Variants in INTS6 observed in about 807,000 individuals in gnomAD.
The protein encoded by INTS6 is DEAD box protein.
In INTS6, 16 loss-of-function variants were observed where a neutral mutation model predicts 104.9. The ratio of observed to expected loss-of-function variants is 0.15; its 90% CI spans 0.10 to 0.23. The LOEUF is 0.23. Ranked by LOEUF, INTS6 falls within the 10% of genes least tolerant of loss-of-function variation. INTS6 has a pLI of 1.00. For synonymous variants in INTS6, 324 were observed against 358.7 expected (o/e 0.90, Z 1.09); for missense variants, 584 against 1,062.8 (o/e 0.55, Z 6.26).
chr13:51,401,483 T>G (rs1956438907), intron 4 of INTS6, among the ~76,000 whole-genome samples: 1 of 152,160 alleles, frequency 6.6e-6, no homozygotes, highest in Non-Finnish European at 1.5e-5. Context: ...GGATAAGAGT[T>G]TCATAAGAGC....
Position 51,378,221 on chromosome 13 carries a change from TA to T in INTS6, c.1602+17del. On this transcript the variant is annotated intron_variant, in intron 12 of 17. Coordinates refer to ENST00000311234, the MANE Select transcript of INTS6 (RefSeq NM_012141.3). ...TAACAGAACATAACTAGAGTAGCAC[TA>T]AATTCATGATTATTACCTTATTCAG... The T allele has an allele frequency of 6.4e-7, 1 of 1,563,172 alleles. No homozygotes were observed. The highest frequency in any genetic ancestry group is 8.8e-7 in the Non-Finnish European group (1 of 1,134,308).
At chr13:51,414,511 C>G (rs546285627) in intron 4 of INTS6, among the ~76,000 whole-genome samples, 48 of 152,238 alleles carry the variant, frequency 3.2e-4, no homozygotes, top group Middle Eastern at 6.8e-3. Flanking sequence ...CAAACTAATG[C>G]TAAATCTTTC....
At chr13:51,380,517 T>C (rs548081163) in intron 10 of INTS6, among the ~76,000 whole-genome samples, 4 of 152,272 alleles carry the variant, frequency 2.6e-5, no homozygotes, top group East Asian at 1.9e-4. Context: ...CTGTTCGAAG[T>C]GTTTGTTCTT....
chr13:51,375,771 G>A (rs759742554), intron 13 of INTS6, among the ~76,000 whole-genome samples: 17 of 152,064 alleles, frequency 1.1e-4, no homozygotes, highest in African/African-American at 2.4e-4. Context: ...GTGTGTGCGC[G>A]CGCGTGCGCG....
Position 51,354,710 on chromosome 13 carries a change from C to A in INTS6, n.431-374G>T, listed in dbSNP as rs541117422. 3.0e-4 allele frequency among the ~76,000 whole-genome samples: 46 copies of A among 151,994 alleles called. 1 individual carries two copies. Among genetic ancestry groups the A allele is most frequent in the African/African-American group, 1.1e-3 (45 of 41,434 alleles). ...TGTTCTATATATCGTAAGAGCAGAA[C>A]AAGGTATTAATGGGGCTTTAAGAAC... On this transcript the variant is annotated intron_variant and non_coding_transcript_variant, in intron 3 of 3. Coordinates refer to the INTS6 transcript ENST00000476666.
At chr13:51,404,767 GCC>G (rs1956527967) in intron 4 of INTS6, among the ~76,000 whole-genome samples, 1 of 151,866 alleles carries the variant, frequency 6.6e-6, no homozygotes, top group Non-Finnish European at 1.5e-5. Flanking sequence ...TACTGCAGTG[GCC>G]TAGTACCAAT....
In INTS6 at chr13:51,452,822, G is replaced by A. The variant is rs1211988934; in HGVS notation, c.-297C>T. On this transcript the variant is annotated 5_prime_UTR_variant, in exon 1 of 18. Transcript: ENST00000311234. The surrounding 1 kb of genome is among the most constrained non-coding windows in gnomAD (Gnocchi z 4.2). ...TCGGTTCGTCCCCCCCGCCTCGGGG[G>A]TCCCGTCCCCGCTCCCGGCCCCTGT... 3.4e-6 allele frequency: 4 copies of A among 1,170,920 alleles called. No homozygotes were observed. Among genetic ancestry groups the A allele is most frequent in the Non-Finnish European group, 2.1e-6 (2 of 941,434 alleles). 72.5% of individuals were successfully genotyped at this position (1,170,920 alleles called of 1,614,324 possible).
chr13:51,392,158 C>G (rs1225300302), intron 5 of INTS6, among the ~76,000 whole-genome samples: 1 of 152,234 alleles, frequency 6.6e-6, no homozygotes, highest in Non-Finnish European at 1.5e-5. Flanking sequence ...TCTCATCTAA[C>G]AGGTGAAGTG....
At chr13:51,355,236 T>G in intron 3 of INTS6, 11 of 650,314 alleles carry the variant, frequency 1.7e-5, no homozygotes, top group South Asian at 3.9e-5. Context: ...AGAGTCAACA[T>G]TATGTAAAAG....
chr13:51,342,245 A>T, the INTS6 span, among the ~76,000 whole-genome samples: 2 of 151,638 alleles, frequency 1.3e-5, no homozygotes, highest in Middle Eastern at 3.2e-3. Flanking sequence ...AAGTGGAATG[A>T]AGCTGTCCTA....
intron 4 of INTS6, among the ~76,000 whole-genome samples, chr13:51,406,908 T>C (rs1323823309): frequency 6.6e-6 from 1 of 151,872 alleles, no homozygotes; most frequent in Non-Finnish European, 1.5e-5. Context: ...GATTTTTTTT[T>C]TTTTTTTAGC....
Position 51,395,496 on chromosome 13 carries a change from G to A in INTS6, c.430-13C>T, listed in dbSNP as rs776476537. The stretch of plus-strand genomic sequence containing the variant: ...GAGGTAAATGAAGCTGAAAGTAGGG[G>A]GGAAAAACAGTAATAAGAATTCCAC... On this transcript the variant is annotated splice_polypyrimidine_tract_variant and intron_variant, in intron 4 of 17. Transcript: ENST00000311234. 1 of 1,598,920 alleles carries A rather than the reference G, an allele frequency of 6.3e-7. No homozygotes were observed. The highest frequency in any genetic ancestry group is 2.3e-5 in the East Asian group (1 of 44,352).
In INTS6 at chr13:51,426,536, T is replaced by G. The variant is rs148257956; in HGVS notation, c.429+3758A>C. Among the ~76,000 whole-genome samples, 1,337 of 152,118 alleles carry G rather than the reference T, an allele frequency of 8.8e-3. 20 individuals carry two copies. Among genetic ancestry groups the G allele is most frequent in the African/African-American group, 0.03 (1,237 of 41,528 alleles). ...AAGATTTGACACACGAAAGGTAATATTAACCCTTCCCCTGCTTTAGTACTC... is the reference window on the plus strand; with the variant it reads ...AAGATTTGACACACGAAAGGTAATAGTAACCCTTCCCCTGCTTTAGTACTC... On this transcript the variant is annotated intron_variant, in intron 4 of 17. Coordinates refer to ENST00000311234, the MANE Select transcript of INTS6 (RefSeq NM_012141.3).
intron 11 of INTS6, among the ~76,000 whole-genome samples, chr13:51,379,127 CAT>C (rs1955995085): frequency 6.6e-6 from 1 of 151,626 alleles, no homozygotes; most frequent in East Asian, 1.9e-4. Context: ...GGTTTCAAAA[CAT>C]AAAGAGTTTT....
chr13:51,449,740 C>T (rs903176190), intron 3 of INTS6: 6 of 985,244 alleles, frequency 6.1e-6, no homozygotes, highest in African/African-American at 3.5e-5. Context: ...AGGAAATCCA[C>T]TACTATTTTA....
intron 3 of INTS6, among the ~76,000 whole-genome samples, chr13:51,433,537 C>T (rs1957135520): frequency 6.6e-6 from 1 of 152,164 alleles, no homozygotes; most frequent in Non-Finnish European, 1.5e-5. Context: ...CTTTCAGAGG[C>T]AAGAGATTAA....
At chr13:51,410,588 C>G (rs1257089851) in intron 4 of INTS6, among the ~76,000 whole-genome samples, 1 of 152,150 alleles carries the variant, frequency 6.6e-6, no homozygotes, top group Non-Finnish European at 1.5e-5. Flanking sequence ...AAAGTAAGGG[C>G]ACAAACTATA....
the INTS6 span, chr13:51,347,196 A>G: frequency 4.3e-6 from 7 of 1,613,792 alleles, no homozygotes; most frequent in African/African-American, 1.3e-5. Context: ...CTCGTCCTTC[A>G]GGTCCCCATG....
At chr13:51,346,084 C>G in the INTS6 span, among the ~76,000 whole-genome samples, 3 of 152,324 alleles carry the variant, frequency 2.0e-5, no homozygotes, top group East Asian at 5.8e-4. Context: ...AATAATAGAA[C>G]TGTTAGGAGG....
Sources: allele counts gnomAD v4.1 joint callset (sites outside exome capture counted in the v4.1 genomes callset), GRCh38; gene constraint gnomAD v4.1.1; non-coding constraint Gnocchi (gnomAD v3.1); transcripts MANE v1.5; gene names NCBI Gene and HGNC (gene_info 2026-07-23, HGNC 2026-07-21).